OXSR1: variants seen among roughly 807,000 people sequenced by gnomAD.
OXSR1 encodes oxidative stress responsive kinase 1, also known as serine/threonine-protein kinase OSR1.
OXSR1 carries 24 observed loss-of-function variants against 79.8 expected under a neutral mutation model. That is an observed-to-expected ratio of 0.30 (90% CI 0.22 to 0.42). The LOEUF (loss-of-function observed/expected upper bound fraction) is 0.42, where lower values mean the gene tolerates loss of function less well. Ranked by LOEUF, OXSR1 falls within the 10% of genes least tolerant of loss-of-function variation. OXSR1 has a pLI of 1.00. For synonymous variants in OXSR1, 226 were observed against 209.2 expected, an observed-to-expected ratio of 1.08 and a Z score of -0.69; for missense variants, 430 against 618.4, an observed-to-expected ratio of 0.70 and a Z score of 3.23.
chr3:38,233,728 A>G (rs761662208), intron 10 of OXSR1, among the ~76,000 whole-genome samples: 1 of 151,960 alleles, frequency 6.6e-6, no homozygotes, highest in Non-Finnish European at 1.5e-5. Context: ...ATCCTGGGTA[A>G]CAAGGCAAGA....
At chr3:38,182,136 C>T (rs1017623826) in intron 1 of OXSR1, among the ~76,000 whole-genome samples, 2 of 152,188 alleles carry the variant, frequency 1.3e-5, no homozygotes, top group Admixed American at 1.3e-4. Flanking sequence ...ATTCAGTTTT[C>T]AGATCTCTTG....
chr3:38,250,710 G>A (rs1475731298), intron 15 of OXSR1, among the ~76,000 whole-genome samples: 1 of 152,188 alleles, frequency 6.6e-6, no homozygotes, highest in East Asian at 1.9e-4. Context: ...AGATGCAGGT[G>A]TACAGAGGTG....
intron 4 of OXSR1, among the ~76,000 whole-genome samples, chr3:38,207,382 T>C (rs898081123): frequency 5.3e-5 from 8 of 152,232 alleles, no homozygotes; most frequent in African/African-American, 1.9e-4. Context: ...TTTATTGCTG[T>C]ACCAGCTCTA....
chr3:38,216,040 T>A, intron 4 of OXSR1, 56 bp from the exon 5 acceptor site: 1 of 1,068,706 alleles, frequency 9.4e-7, no homozygotes, highest in Non-Finnish European at 1.4e-6. Context: ...GCTTAAATTA[T>A]GTTACTCCAA....
chr3:38,243,815 G>T (rs1475374173), intron 12 of OXSR1, among the ~76,000 whole-genome samples: 1 of 152,156 alleles, frequency 6.6e-6, no homozygotes, highest in Non-Finnish European at 1.5e-5. Context: ...TAGAACTGTT[G>T]TTCACTTATA....
At chr3:38,194,245 G>C (rs982395785) in intron 3 of OXSR1, among the ~76,000 whole-genome samples, 1 of 152,172 alleles carries the variant, frequency 6.6e-6, no homozygotes, top group Non-Finnish European at 1.5e-5. Context: ...GTCCAACTGA[G>C]ATCTAAAGAA....
chr3:38,221,598 T>C lies in OXSR1; in HGVS notation c.511T>C (p.Leu171=). ...QIADFGVSAF[L]ATGGDITRNK... is the part of the protein sequence containing the mutation. ...TTCAGACTTTGGGGTTAGTGCTTTT[T>C]TAGCAACTGGTGGTGATATTACCCG... The change falls in exon 6 of 18, where the codon TTA becomes CTA. Residue 171 remains leucine (L), a synonymous_variant. Coordinates refer to ENST00000311806, the MANE Select transcript of OXSR1 (RefSeq NM_005109.3). 6.2e-7 allele frequency: 1 copy of C among 1,612,018 alleles called. No individual in the cohort carries two copies. Among genetic ancestry groups the C allele is most frequent in the Non-Finnish European group, 8.5e-7 (1 of 1,178,260 alleles).
At chr3:38,168,069 C>T (rs754853766) in intron 1 of OXSR1, among the ~76,000 whole-genome samples, 1 of 152,032 alleles carries the variant, frequency 6.6e-6, no homozygotes, top group Non-Finnish European at 1.5e-5. Flanking sequence ...TGTGAGTGGG[C>T]AAAAGGGAGT....
At chr3:38,187,526 GACT>G (rs1701906974) in intron 2 of OXSR1, among the ~76,000 whole-genome samples, 1 of 152,142 alleles carries the variant, frequency 6.6e-6, no homozygotes, top group Admixed American at 6.5e-5. Flanking sequence ...GAGGAAAACT[GACT>G]ACATTTAGGG....
At chr3:38,203,541 GTCT>G (rs961092945) in intron 4 of OXSR1, among the ~76,000 whole-genome samples, 4 of 152,084 alleles carry the variant, frequency 2.6e-5, no homozygotes, top group Admixed American at 6.5e-5. Flanking sequence ...TAGAGATTGG[GTCT>G]TCTTATGTTG....
intron 12 of OXSR1, among the ~76,000 whole-genome samples, chr3:38,245,581 G>T (rs893215302): frequency 6.6e-6 from 1 of 152,132 alleles, no homozygotes; most frequent in Non-Finnish European, 1.5e-5. Flanking sequence ...GAATGGAATA[G>T]ATTTTGTTAA....
chr3:38,203,550 T>C (rs1455106782), intron 4 of OXSR1, among the ~76,000 whole-genome samples: 1 of 152,190 alleles, frequency 6.6e-6, no homozygotes, highest in Admixed American at 6.5e-5. Flanking sequence ...GGTCTTCTTA[T>C]GTTGCCCAGA....
rs1286586629 is a variant in OXSR1 at position 38,251,478 on chromosome 3, C to T, written c.1444+7C>T. On this transcript the variant is annotated splice_region_variant and intron_variant, in intron 16 of 17. Coordinates refer to ENST00000311806, the MANE Select transcript of OXSR1 (RefSeq NM_005109.3). The stretch of plus-strand genomic sequence containing the variant: ...GGAAGGGATTTAGTAATAGGTAACT[C>T]CATTGCGTTCTGCTCATGTGCTCCT... 6.2e-7 allele frequency: 1 copy of T among 1,607,716 alleles called. No individual in the cohort carries two copies. Among genetic ancestry groups the T allele is most frequent in the Admixed American group, 1.7e-5 (1 of 59,984 alleles).
At chr3:38,198,630 G>T in intron 3 of OXSR1, 92 bp from the exon 4 acceptor site, 1 of 874,634 alleles carries the variant, frequency 1.1e-6, no homozygotes, top group South Asian at 2.3e-5. Context: ...TTAAGTTTAT[G>T]AGAAGGTTCA....
At chr3:38,246,445 C>A (rs1703144606) in intron 13 of OXSR1, among the ~76,000 whole-genome samples, 1 of 152,118 alleles carries the variant, frequency 6.6e-6, no homozygotes, top group African/African-American at 2.4e-5. Flanking sequence ...GGAAATATTT[C>A]AAACATCAAA....
At chr3:38,196,142 A>G (rs890952551) in intron 3 of OXSR1, among the ~76,000 whole-genome samples, 12 of 152,106 alleles carry the variant, frequency 7.9e-5, no homozygotes, top group Admixed American at 5.9e-4. Context: ...CCTATATACT[A>G]TTTCTTACAA....
At chr3:38,170,610 A>G (rs1314299072) in intron 1 of OXSR1, among the ~76,000 whole-genome samples, 1 of 152,154 alleles carries the variant, frequency 6.6e-6, no homozygotes, top group Non-Finnish European at 1.5e-5. Context: ...AGACACAGAG[A>G]CAGAAAGGTA....
intron 4 of OXSR1, among the ~76,000 whole-genome samples, chr3:38,204,093 G>C (rs1702222351): frequency 6.6e-6 from 1 of 152,092 alleles, no homozygotes; most frequent in Admixed American, 6.5e-5. Flanking sequence ...CACAAGTAGA[G>C]GAGTCTCTCC....
intron 1 of OXSR1, among the ~76,000 whole-genome samples, chr3:38,182,184 C>G (rs935405605): frequency 4.6e-5 from 7 of 152,320 alleles, no homozygotes; most frequent in African/African-American, 9.6e-5. Flanking sequence ...TCTGGCACCT[C>G]TAGAACTCCC....
Sources: allele counts gnomAD v4.1 joint callset (sites outside exome capture counted in the v4.1 genomes callset), GRCh38; gene constraint gnomAD v4.1.1; transcripts MANE v1.5; gene names NCBI Gene and HGNC (gene_info 2026-07-23, HGNC 2026-07-21).